Variants in CPEB1 observed in about 807,000 individuals in gnomAD.
CPEB1 encodes the protein cytoplasmic polyadenylation element-binding protein 1.
CPEB1 carries 7 observed loss-of-function variants against 65.8 expected under a neutral mutation model. The ratio of observed to expected loss-of-function variants is 0.11; its 90% CI spans 0.06 to 0.20. CPEB1 has a LOEUF of 0.20. Ranked by LOEUF, CPEB1 falls within the 10% of genes least tolerant of loss-of-function variation. The pLI, the probability that CPEB1 is intolerant of heterozygous loss-of-function variation, is 1.00. For missense variants in CPEB1, 551 were observed against 712.2 expected (o/e 0.77, Z 2.58); for synonymous variants, 262 against 260.0 (o/e 1.01, Z -0.08).
Position 82,557,993 on chromosome 15 carries a change from G to C in CPEB1, c.461-7C>G, listed in dbSNP as rs1328087990. On this transcript the variant is annotated splice_polypyrimidine_tract_variant and splice_region_variant and intron_variant, in intron 4 of 12. Transcript: ENST00000684509. ...TTATGGAGCATGCTCAGTACTAGGAGGACAAAAAAGGAAACCTCATGACCT... is the reference window on the plus strand; with the variant it reads ...TTATGGAGCATGCTCAGTACTAGGACGACAAAAAAGGAAACCTCATGACCT... 7 of 1,544,778 alleles carry C rather than the reference G, an allele frequency of 4.5e-6. No individual in the cohort carries two copies. The East Asian group carries it at 1.6e-4, about 35-fold the overall frequency.
intron 3 of CPEB1, among the ~76,000 whole-genome samples, chr15:82,623,948 T>C (rs142671278): frequency 6.6e-6 from 1 of 152,352 alleles, no homozygotes; most frequent in Non-Finnish European, 1.5e-5. Flanking sequence ...TGTTGCCAAA[T>C]TGTCCCTAGT....
At position 82,546,093 on chromosome 15, in the gene CPEB1, C is replaced by A. The variant is rs554078637; in HGVS notation, c.1656+348G>T. On this transcript the variant is annotated intron_variant, in intron 12 of 12. Transcript: ENST00000684509. ...CAGGGTACCTCAGAACTCCAACATT[C>A]AATGTCATGAACTTGGCATAACAAT... 2.9e-4 allele frequency among the ~76,000 whole-genome samples: 44 copies of A among 152,294 alleles called. No individual in the cohort carries two copies. In the South Asian group the frequency reaches 8.9e-3, roughly 31 times the overall value.
upstream of CPEB1, chr15:82,648,532 G>C (rs1596158670): frequency 6.6e-6 from 1 of 152,528 alleles, no homozygotes; most frequent in South Asian, 2.1e-4. Flanking sequence ...CTTTGGACCG[G>C]AGTTCTCCGG....
chr15:82,574,616 G>C (rs979557695), intron 3 of CPEB1, among the ~76,000 whole-genome samples: 1 of 150,578 alleles, frequency 6.6e-6, no homozygotes, highest in Admixed American at 6.7e-5. Flanking sequence ...AGCTACTTAG[G>C]AGGCTGAGGC....
intron 6 of CPEB1, 108 bp downstream of exon 6, chr15:82,555,762 T>C (rs1596009369): frequency 5.0e-6 from 6 of 1,199,286 alleles, no homozygotes; most frequent in South Asian, 4.8e-5. Flanking sequence ...GACTTCACCA[T>C]GCAACCAAGC....
intron 3 of CPEB1, among the ~76,000 whole-genome samples, chr15:82,598,352 G>C (rs1410095644): frequency 6.6e-6 from 1 of 151,862 alleles, no homozygotes; most frequent in African/African-American, 2.4e-5. Flanking sequence ...AAATTACCCG[G>C]GCATGGTGGC....
intron 3 of CPEB1, among the ~76,000 whole-genome samples, chr15:82,617,661 T>C (rs1181756573): frequency 1.3e-5 from 2 of 151,406 alleles, no homozygotes; most frequent in Non-Finnish European, 2.9e-5. Flanking sequence ...AGGTACAGGA[T>C]ATACAGGAAT....
Position 82,571,696 on chromosome 15 carries a change from G to A in CPEB1, c.272-164C>T, listed in dbSNP as rs1039552330. ...TGCCTCTGCACTTTTGGGGACGCTG[G>A]GGCAAGAGCAGTTGCCATACAGGCC... On this transcript the variant is annotated intron_variant, in intron 3 of 12. Transcript: ENST00000684509. 4.2e-6 allele frequency: 6 copies of A among 1,434,610 alleles called. No individual in the cohort carries two copies. The African/African-American group carries it at 7.2e-5, about 17-fold the overall frequency. The allele number at this position is 1,434,610 out of a possible 1,614,324, so 88.9% of individuals were successfully genotyped here.
At chr15:82,614,576 G>C (rs981435932) in intron 3 of CPEB1, among the ~76,000 whole-genome samples, 1 of 152,014 alleles carries the variant, frequency 6.6e-6, no homozygotes, top group Non-Finnish European at 1.5e-5. Context: ...ACCAAATGTG[G>C]GGGGGAGTAC....
At chr15:82,586,482 T>C (rs2041814659) in intron 3 of CPEB1, among the ~76,000 whole-genome samples, 1 of 152,214 alleles carries the variant, frequency 6.6e-6, no homozygotes, top group Non-Finnish European at 1.5e-5. Context: ...TAGTTTTAAA[T>C]GTTATTCCCC....
chr15:82,562,979 A>T (rs1192452791), intron 4 of CPEB1, among the ~76,000 whole-genome samples: 2 of 152,246 alleles, frequency 1.3e-5, no homozygotes, highest in African/African-American at 4.8e-5. Context: ...TCTCTCTGAA[A>T]ACACTGGGTG....
chr15:82,622,393 T>C (rs1294678803), intron 3 of CPEB1, among the ~76,000 whole-genome samples: 2 of 151,828 alleles, frequency 1.3e-5, no homozygotes, highest in African/African-American at 4.8e-5. Flanking sequence ...ATGCTCCAGC[T>C]ACTCTTTCCC....
At chr15:82,616,048 TATCAATATG>T (rs2044679081) in intron 3 of CPEB1, among the ~76,000 whole-genome samples, 1 of 152,108 alleles carries the variant, frequency 6.6e-6, no homozygotes, top group Non-Finnish European at 1.5e-5. Context: ...TACAAATAAC[TATCAATATG>T]TACACATTAT....
chr15:82,553,759 C>CA (rs1444868301), intron 7 of CPEB1, 119 bp downstream of exon 7: 109 of 800,974 alleles, frequency 1.4e-4, no homozygotes, highest in Non-Finnish European at 2.1e-4. Flanking sequence ...CTCAGACACT[C>CA]ATGTAATACC....
intron 8 of CPEB1, 121 bp downstream of exon 8, chr15:82,553,346 G>A: frequency 5.7e-6 from 4 of 705,904 alleles, no homozygotes; most frequent in Admixed American, 4.5e-5. Flanking sequence ...TCTGTGCCCT[G>A]GAGTGCCCAC....
chr15:82,644,104 G>C (rs1245370075), intron 1 of CPEB1, among the ~76,000 whole-genome samples: 1 of 152,200 alleles, frequency 6.6e-6, no homozygotes, highest in African/African-American at 2.4e-5. Flanking sequence ...CTCAGGATCA[G>C]CTAACTGCTC....
chr15:82,589,087 T>C (rs1217903614), intron 3 of CPEB1, among the ~76,000 whole-genome samples: 1 of 152,218 alleles, frequency 6.6e-6, no homozygotes, highest in Non-Finnish European at 1.5e-5. Context: ...GTCTCTATTA[T>C]TACCATACTA....
intron 3 of CPEB1, among the ~76,000 whole-genome samples, chr15:82,573,789 C>G (rs2040348469): frequency 6.6e-6 from 1 of 152,098 alleles, no homozygotes; most frequent in South Asian, 2.1e-4. Flanking sequence ...TGCATTTTAA[C>G]AAGATCCCCA....
At chr15:82,545,354 T>C (rs2034992075) in intron 12 of CPEB1, among the ~76,000 whole-genome samples, 1 of 152,166 alleles carries the variant, frequency 6.6e-6, no homozygotes, top group Admixed American at 6.5e-5. Flanking sequence ...TTTAACCATA[T>C]TCAGAGACTC....
Sources: allele counts gnomAD v4.1 joint callset (sites outside exome capture counted in the v4.1 genomes callset), GRCh38; gene constraint gnomAD v4.1.1; transcripts MANE v1.5; gene names NCBI Gene and HGNC (gene_info 2026-07-23, HGNC 2026-07-21).